MEIKIN: variants seen among roughly 807,000 people sequenced by gnomAD.
MEIKIN encodes the protein meiosis-specific kinetochore protein.
chr5:131,885,707 G>A (rs1374869038), intron 8 of MEIKIN, among the ~76,000 whole-genome samples: 1 of 152,110 alleles, frequency 6.6e-6, no homozygotes, highest in Admixed American at 6.5e-5. Flanking sequence ...TAACTCTTCA[G>A]AGTCCAGACA....
At chr5:131,854,945 A>G in intron 9 of MEIKIN, 111 bp from the exon 10 acceptor site, 1 of 385,458 alleles carries the variant, frequency 2.6e-6, no homozygotes, top group Non-Finnish European at 4.6e-6. Flanking sequence ...GTACAGTACT[A>G]AGAAAATCCT....
intron 8 of MEIKIN, among the ~76,000 whole-genome samples, chr5:131,894,444 T>C (rs1750997482): frequency 6.6e-6 from 1 of 152,206 alleles, no homozygotes; most frequent in Non-Finnish European, 1.5e-5. Context: ...AGAAAGTCAT[T>C]GGTAGCTTGA....
intron 11 of MEIKIN, among the ~76,000 whole-genome samples, chr5:131,849,230 T>A (rs921953466): frequency 3.3e-5 from 5 of 151,980 alleles, no homozygotes; most frequent in Non-Finnish European, 7.4e-5. Flanking sequence ...CTTGTTGCTG[T>A]TCTAGTGGGG....
At chr5:131,879,429 G>C (rs1750668811) in intron 8 of MEIKIN, among the ~76,000 whole-genome samples, 1 of 151,820 alleles carries the variant, frequency 6.6e-6, no homozygotes, top group Non-Finnish European at 1.5e-5. Flanking sequence ...ATAGCTTTAG[G>C]GGTACAAGTG....
At chr5:131,932,149 G>A (rs886083183) in intron 5 of MEIKIN, among the ~76,000 whole-genome samples, 11 of 152,184 alleles carry the variant, frequency 7.2e-5, no homozygotes, top group African/African-American at 2.4e-4. Context: ...CTGGGGTGGG[G>A]TGGAAATAAG....
chr5:131,824,667 G>T (rs1406448504), intron 11 of MEIKIN, among the ~76,000 whole-genome samples: 2 of 152,076 alleles, frequency 1.3e-5, no homozygotes, highest in East Asian at 1.9e-4. Flanking sequence ...GATAAAGAAA[G>T]AATTAGTAAG....
At chr5:131,906,975 C>G (rs1403027785) in intron 8 of MEIKIN, among the ~76,000 whole-genome samples, 2 of 152,002 alleles carry the variant, frequency 1.3e-5, no homozygotes, top group Non-Finnish European at 2.9e-5. Context: ...CACAATTTAT[C>G]TACATAACAA....
intron 8 of MEIKIN, among the ~76,000 whole-genome samples, chr5:131,909,622 G>A (rs769493127): frequency 3.9e-4 from 60 of 152,122 alleles, no homozygotes; most frequent in Middle Eastern, 3.4e-3. Flanking sequence ...ATAAAGTGAA[G>A]TGACAACCCA....
At chr5:131,928,450 C>G (rs2149650604) in intron 5 of MEIKIN, among the ~76,000 whole-genome samples, 1 of 152,132 alleles carries the variant, frequency 6.6e-6, no homozygotes. Flanking sequence ...GACCATCGGG[C>G]TTACGTAAAA....
At chr5:131,866,175 A>G (rs753498060) in intron 9 of MEIKIN, among the ~76,000 whole-genome samples, 33 of 152,164 alleles carry the variant, frequency 2.2e-4, no homozygotes, top group Non-Finnish European at 3.1e-4. Context: ...CATGGCTACA[A>G]TGGGTTGGGC....
intron 12 of MEIKIN, among the ~76,000 whole-genome samples, chr5:131,813,960 G>GA (rs1488730357): frequency 6.6e-6 from 1 of 152,130 alleles, no homozygotes; most frequent in African/African-American, 2.4e-5. Context: ...GAAAAACTTG[G>GA]AGTTCGATGT....
intron 9 of MEIKIN, among the ~76,000 whole-genome samples, chr5:131,867,542 C>T (rs1367150854): frequency 6.6e-6 from 1 of 152,184 alleles, no homozygotes; most frequent in Non-Finnish European, 1.5e-5. Flanking sequence ...CCATCCCTTC[C>T]TCCTAACCTC....
chr5:131,861,388 CA>C (rs950472767), intron 9 of MEIKIN, among the ~76,000 whole-genome samples: 53 of 146,404 alleles, frequency 3.6e-4, no homozygotes, highest in South Asian at 6.5e-4. Flanking sequence ...ACTCTGTCTT[CA>C]AAAAAAAAAG....
intron 9 of MEIKIN, among the ~76,000 whole-genome samples, chr5:131,873,571 T>A (rs945607433): frequency 6.6e-6 from 1 of 152,144 alleles, no homozygotes; most frequent in African/African-American, 2.4e-5. Context: ...CACCCCACTG[T>A]CAACATTAGA....
intron 7 of MEIKIN, among the ~76,000 whole-genome samples, chr5:131,912,306 A>ATATTAT (rs558084181): frequency 6.7e-6 from 1 of 150,112 alleles, no homozygotes; most frequent in Non-Finnish European, 1.5e-5. Flanking sequence ...TATTATTATT[A>ATATTAT]TATTATTATT....
intron 9 of MEIKIN, among the ~76,000 whole-genome samples, chr5:131,878,076 T>G (rs1420813780): frequency 6.6e-6 from 1 of 152,182 alleles, no homozygotes; most frequent in African/African-American, 2.4e-5. Flanking sequence ...ACTATCCACA[T>G]CCACTGGGGG....
intron 8 of MEIKIN, among the ~76,000 whole-genome samples, chr5:131,884,943 C>T (rs1483451216): frequency 6.6e-6 from 1 of 151,618 alleles, no homozygotes; most frequent in Non-Finnish European, 1.5e-5. Flanking sequence ...GGCTCCTCTG[C>T]CTGTGGAAAG....
intron 7 of MEIKIN, among the ~76,000 whole-genome samples, chr5:131,912,422 C>T (rs1326972963): frequency 6.6e-6 from 1 of 151,754 alleles, no homozygotes; most frequent in African/African-American, 2.4e-5. Flanking sequence ...CTTCTACAAA[C>T]TAGACAACCC....
chr5:131,918,274 T>C lies in MEIKIN; in HGVS notation c.599-1349A>G, dbSNP rs1258071700. Among the ~76,000 whole-genome samples the C allele has an allele frequency of 2.0e-5, 3 of 152,238 alleles. No individual in the cohort carries two copies. In the East Asian group the frequency reaches 5.8e-4, roughly 29 times the overall value. ...CCCTGGATCAAGTTGCATTTGCACC[T>C]GATTTATTGCTGAATTTTTCAAGTA... On this transcript the variant is annotated intron_variant, in intron 6 of 12. Coordinates refer to ENST00000442687, the MANE Select transcript of MEIKIN (RefSeq NM_001303622.2).
Sources: allele counts gnomAD v4.1 joint callset (sites outside exome capture counted in the v4.1 genomes callset), GRCh38; gene constraint gnomAD v4.1.1; transcripts MANE v1.5; gene names NCBI Gene and HGNC (gene_info 2026-07-23, HGNC 2026-07-21).